The following XKR4 variants were observed in gnomAD, a reference collection of about 807,000 sequenced individuals.
XKR4 encodes the protein XK-related protein 4.
In XKR4, 12 loss-of-function variants were observed where a neutral mutation model predicts 53.9. The ratio of observed to expected loss-of-function variants is 0.22; its 90% CI spans 0.14 to 0.36. The LOEUF is 0.36. Among genes scored for constraint, XKR4 ranks in the 10% least tolerant of loss-of-function variants. The probability of loss-of-function intolerance (pLI) is 1.00; values close to 1 mark genes in which losing one functional copy is unlikely to be tolerated. For missense variants in XKR4, 799 were observed against 859.5 expected (o/e 0.93, Z 0.88); for synonymous variants, 354 against 362.4 (o/e 0.98, Z 0.26).
At chr8:55,481,813 C>A (rs888552331) in intron 2 of XKR4, among the ~76,000 whole-genome samples, 8 of 152,178 alleles carry the variant, frequency 5.3e-5, no homozygotes, top group African/African-American at 1.7e-4. Flanking sequence ...CATCACTGGC[C>A]ATCAGAGAAA....
At chr8:55,273,583 C>A (rs1323147495) in intron 1 of XKR4, among the ~76,000 whole-genome samples, 1 of 152,204 alleles carries the variant, frequency 6.6e-6, no homozygotes, top group East Asian at 1.9e-4. Context: ...AGACCCTGCA[C>A]TTGATGGATC....
At chr8:55,445,981 TCTC>T (rs1805340842) in intron 2 of XKR4, among the ~76,000 whole-genome samples, 1 of 151,964 alleles carries the variant, frequency 6.6e-6, no homozygotes. Context: ...CAAAGAAAAA[TCTC>T]CTTGTGCTGT....
At chr8:55,399,416 C>T (rs1241773688) in intron 2 of XKR4, among the ~76,000 whole-genome samples, 1 of 152,230 alleles carries the variant, frequency 6.6e-6, no homozygotes, top group Non-Finnish European at 1.5e-5. Context: ...CTAACTTCTT[C>T]CTGATGATAG....
intron 1 of XKR4, among the ~76,000 whole-genome samples, chr8:55,246,460 A>G (rs1221086851): frequency 6.6e-6 from 1 of 152,204 alleles, no homozygotes; most frequent in Non-Finnish European, 1.5e-5. Context: ...TCTATTTGTG[A>G]TCACTTGTAC....
rs141334415 is a variant in XKR4, at chr8:55,251,396, A to G, written c.807-106282A>G. Reference sequence around the variant, plus strand: ...TTTTAGAGGAGTTGCTGAATTTCAAATTGCATATAAGTGGCAGTTGGCTCT... The same window carrying G: ...TTTTAGAGGAGTTGCTGAATTTCAAGTTGCATATAAGTGGCAGTTGGCTCT... On this transcript the variant is annotated intron_variant, in intron 1 of 2. Transcript: ENST00000327381. Among the ~76,000 whole-genome samples, 79 of 152,334 alleles carry G rather than the reference A, an allele frequency of 5.2e-4. 1 individual carries two copies. Among genetic ancestry groups the G allele is most frequent in the African/African-American group, 1.8e-3 (75 of 41,576 alleles).
In XKR4 at chr8:55,119,660, A is replaced by G. The variant is rs570238915; in HGVS notation, c.806+16366A>G. On this transcript the variant is annotated intron_variant, in intron 1 of 2. Transcript: ENST00000327381. ...TGTATTTTCAAACAGTTTCCTTTTC[A>G]AAGTGGGAAAGAATCAATTGCAGTT... is the stretch of plus-strand genomic sequence containing the variant. Among the ~76,000 whole-genome samples, 143 of 152,332 alleles carry G rather than the reference A, an allele frequency of 9.4e-4. 2 individuals are homozygous for G. The highest frequency in any genetic ancestry group is 1.2e-3 in the Non-Finnish European group (85 of 68,032).
At chr8:55,264,239 C>G (rs1292953891) in intron 1 of XKR4, among the ~76,000 whole-genome samples, 2 of 152,210 alleles carry the variant, frequency 1.3e-5, no homozygotes, top group African/African-American at 4.8e-5. Context: ...CCTTAATTAT[C>G]CTTGCCTCCC....
chr8:55,352,630 A>G (rs1803739957), intron 1 of XKR4, among the ~76,000 whole-genome samples: 1 of 152,232 alleles, frequency 6.6e-6, no homozygotes, highest in Non-Finnish European at 1.5e-5. Context: ...CTTACTATCT[A>G]TTAATACCAA....
chr8:55,229,432 G>T (rs774641354), intron 1 of XKR4, among the ~76,000 whole-genome samples: 8 of 152,230 alleles, frequency 5.3e-5, no homozygotes, highest in Non-Finnish European at 1.0e-4. Context: ...TTCAGGCTTC[G>T]TGGTATCTAG....
chr8:55,534,990 A>G lies in XKR4; in HGVS notation c.*10763A>G, dbSNP rs1459457297. ...AGCAGTCTAGAGGAAAAATGAGAAG[A>G]GGAAGAAGCAGGGATTCTTTTTCTT... is the stretch of plus-strand genomic sequence containing the variant. On this transcript the variant is annotated 3_prime_UTR_variant, in exon 3 of 3. Coordinates refer to ENST00000327381, the MANE Select transcript of XKR4 (RefSeq NM_052898.2). 6.6e-6 allele frequency: 1 copy of G among 152,128 alleles called. No homozygotes were observed. The highest frequency in any genetic ancestry group is 1.5e-5 in the Non-Finnish European group (1 of 68,034). 9.4% of individuals were successfully genotyped at this position (152,128 alleles called of 1,614,324 possible).
intron 2 of XKR4, among the ~76,000 whole-genome samples, chr8:55,397,100 G>A (rs1804531365): frequency 6.6e-6 from 1 of 152,148 alleles, no homozygotes; most frequent in African/African-American, 2.4e-5. Context: ...TTCTATGTCT[G>A]CACAAAAAAG....
intron 1 of XKR4, among the ~76,000 whole-genome samples, chr8:55,312,354 T>C: frequency 6.6e-6 from 1 of 152,236 alleles, no homozygotes. Context: ...TTTTTCAAGG[T>C]TCATGGAATG....
chr8:55,324,580 C>G (rs895112040), intron 1 of XKR4, among the ~76,000 whole-genome samples: 1 of 152,200 alleles, frequency 6.6e-6, no homozygotes, highest in African/African-American at 2.4e-5. Context: ...CTCTATTGAC[C>G]TAATGCCTTT....
chr8:55,246,982 T>A (rs1211483983), intron 1 of XKR4, among the ~76,000 whole-genome samples: 2 of 152,280 alleles, frequency 1.3e-5, no homozygotes, highest in South Asian at 4.2e-4. Flanking sequence ...GATGTCTTAG[T>A]GTCTGGAGAA....
intron 2 of XKR4, among the ~76,000 whole-genome samples, chr8:55,374,746 G>T (rs1418122200): frequency 2.0e-5 from 3 of 152,200 alleles, no homozygotes; most frequent in African/African-American, 7.2e-5. Context: ...GACCACAGGG[G>T]CACACAGCAG....
chr8:55,301,840 GTTGT>G (rs1275966245), intron 1 of XKR4, among the ~76,000 whole-genome samples: 1 of 152,134 alleles, frequency 6.6e-6, no homozygotes, highest in Non-Finnish European at 1.5e-5. Flanking sequence ...TTTTGATGGG[GTTGT>G]TTGTTTTTTT....
intron 2 of XKR4, among the ~76,000 whole-genome samples, chr8:55,425,385 G>T (rs1804996467): frequency 7.0e-6 from 1 of 143,086 alleles, no homozygotes; most frequent in Non-Finnish European, 1.6e-5. Flanking sequence ...TTGCCCCGTT[G>T]TTTGTTTCAT....
At chr8:55,297,255 A>T (rs1340060030) in intron 1 of XKR4, among the ~76,000 whole-genome samples, 1 of 152,182 alleles carries the variant, frequency 6.6e-6, no homozygotes, top group Non-Finnish European at 1.5e-5. Context: ...GAAACGTGAG[A>T]TTTGATGAAT....
chr8:55,221,487 C>T (rs1293625695), intron 1 of XKR4, among the ~76,000 whole-genome samples: 1 of 152,066 alleles, frequency 6.6e-6, no homozygotes, highest in Non-Finnish European at 1.5e-5. Context: ...CACTGAAGGC[C>T]CTGGTTTGCA....
Sources: gnomAD v4.1 joint callset for allele counts (sites outside exome capture counted in the v4.1 genomes callset) on GRCh38, gnomAD v4.1.1 for gene constraint, MANE v1.5 for transcripts, NCBI Gene and HGNC (gene_info 2026-07-23, HGNC 2026-07-21) for gene names.